The following ARSF variants were observed in gnomAD, a reference collection of about 807,000 sequenced individuals.
ARSF encodes arylsulfatase F.
In ARSF, 33 loss-of-function variants were observed where a neutral mutation model predicts 35.4. The observed-to-expected ratio is 0.93, with a 90% CI of 0.71 to 1.25. The LOEUF (loss-of-function observed/expected upper bound fraction) is 1.25. ARSF is among the 50% of genes most tolerant of loss of function. ARSF has a pLI of 0.00. For missense variants in ARSF, 501 were observed against 480.2 expected, an observed-to-expected ratio of 1.04 and a Z score of -0.40; for synonymous variants, 222 against 193.1, an observed-to-expected ratio of 1.15 and a Z score of -1.24.
chrX:3,050,033 T>G (rs2147474925), intron 1 of ARSF, among the ~76,000 whole-genome samples: 1 of 110,473 alleles, frequency 9.1e-6, no homozygotes, highest in East Asian at 2.9e-4. Context: ...CTAATTTTTT[T>G]GTATTTTTAG....
Position 3,101,127 on chromosome X carries a change from C to T in ARSF, c.1008C>T (p.Asn336=). 8.3e-7 allele frequency: 1 copy of T among 1,210,691 alleles called. No homozygotes were observed. Among genetic ancestry groups the T allele is most frequent in the Non-Finnish European group, 1.1e-6 (1 of 894,952 alleles). Residue 336 remains asparagine, a synonymous_variant, in exon 8 of 11, where the codon AAC becomes AAT. Transcript: ENST00000381127. ...LDAIDDFGLR[N]NTLVYFTSDH... ...CTATCGATGATTTTGGCCTAAGGAA[C>T]AACACCCTTGTCTACTTTACATCAG...
chrX:3,096,252 T>G (rs2090337554), intron 7 of ARSF, among the ~76,000 whole-genome samples: 1 of 110,587 alleles, frequency 9.0e-6, no homozygotes, highest in African/African-American at 3.3e-5. Flanking sequence ...TTAAAAATAA[T>G]GCATTTCAAG....
chrX:3,049,597 T>C (rs909584112), intron 1 of ARSF, among the ~76,000 whole-genome samples: 1 of 111,297 alleles, frequency 9.0e-6, no homozygotes, highest in Non-Finnish European at 1.9e-5. Context: ...ATGAAAGAGG[T>C]ATGTAGCTTT....
At chrX:3,092,882 A>AG (rs1189425535) in intron 7 of ARSF, among the ~76,000 whole-genome samples, 1 of 112,314 alleles carries the variant, frequency 8.9e-6, no homozygotes, top group African/African-American at 3.2e-5. Context: ...TTTTATAATT[A>AG]TCATAGGTGG....
In ARSF at chrX:3,098,802, G is replaced by A. The variant is rs1404037501; in HGVS notation, c.968-2285G>A. Among the ~76,000 whole-genome samples the A allele has an allele frequency of 2.7e-5, 3 of 110,446 alleles. No homozygotes were observed. In the East Asian group the frequency reaches 8.5e-4, roughly 31 times the overall value. On this transcript the variant is annotated intron_variant, in intron 7 of 10. Transcript: ENST00000381127. ...AATGGCAATGGGGCAGGAAATTGGT[G>A]GTCTTTATTTTCCTCCTTATAATTT...
chrX:3,077,444 G>A (rs2090160995), intron 4 of ARSF, among the ~76,000 whole-genome samples: 1 of 111,438 alleles, frequency 9.0e-6, no homozygotes, highest in African/African-American at 3.3e-5. Flanking sequence ...TTCGAGCCCA[G>A]CCTGGCCAAC....
At chrX:3,055,662 G>A (rs1278056276) in intron 1 of ARSF, among the ~76,000 whole-genome samples, 1 of 111,653 alleles carries the variant, frequency 9.0e-6, no homozygotes, top group Non-Finnish European at 1.9e-5. Context: ...AAGGTGCTGG[G>A]ACAGAAGGAT....
intron 3 of ARSF, among the ~76,000 whole-genome samples, chrX:3,073,482 A>G (rs938061798): frequency 3.6e-4 from 35 of 96,141 alleles, no homozygotes; most frequent in African/African-American, 1.4e-3. Context: ...GGTTAATGCT[A>G]GAGGCACTGG....
chrX:3,043,480 T>A (rs1349095151), intron 1 of ARSF, among the ~76,000 whole-genome samples: 1 of 111,987 alleles, frequency 8.9e-6, no homozygotes, highest in South Asian at 3.7e-4. Context: ...ACTGATGTAC[T>A]CAGTGAAATT....
At chrX:3,107,088 C>G (rs2090415828) in intron 9 of ARSF, among the ~76,000 whole-genome samples, 1 of 112,013 alleles carries the variant, frequency 8.9e-6, no homozygotes, top group South Asian at 3.7e-4. Context: ...ATATTGTACC[C>G]TTTAGGGAAT....
Position 3,089,636 on chromosome X carries a change from A to T in ARSF, c.967+4A>T. The T allele has an allele frequency of 1.7e-6, 2 of 1,210,510 alleles. No individual in the cohort carries two copies. Among genetic ancestry groups the T allele is most frequent in the Non-Finnish European group, 2.2e-6 (2 of 894,651 alleles). On this transcript the variant is annotated splice_donor_region_variant and intron_variant, in intron 7 of 10. Transcript: ENST00000381127. Reference sequence around the variant, plus strand: ...GAAGAGATGGACTCCATGGTGGGTAAGTCACAGGACTTAAGTGGACAGAAA... The same window carrying T: ...GAAGAGATGGACTCCATGGTGGGTATGTCACAGGACTTAAGTGGACAGAAA...
chrX:3,093,766 G>C (rs1331139153), intron 7 of ARSF, among the ~76,000 whole-genome samples: 3 of 111,769 alleles, frequency 2.7e-5, no homozygotes. Context: ...TAATGGCATT[G>C]CTGGGTCAGA....
intron 1 of ARSF, among the ~76,000 whole-genome samples, chrX:3,060,684 C>A: frequency 9.0e-6 from 1 of 111,070 alleles, no homozygotes; most frequent in Admixed American, 9.7e-5. Context: ...CTTCAATAGC[C>A]GATTCAATCA....
At chrX:3,046,531 G>T (rs1255584781) in intron 1 of ARSF, among the ~76,000 whole-genome samples, 1 of 112,083 alleles carries the variant, frequency 8.9e-6, no homozygotes, top group African/African-American at 3.2e-5. Context: ...GAGGAATTTA[G>T]AGATGGATCC....
At chrX:3,068,020 C>CT (rs756715933) in intron 1 of ARSF, 53 bp from the exon 2 acceptor site, 27,741 of 724,539 alleles carry the variant, frequency 0.038, 74 homozygotes, top group African/African-American at 0.076. Context: ...ATGAATGATA[C>CT]TTTTTTTTTT....
Position 3,084,552 on chromosome X carries a change from C to T in ARSF, c.716C>T (p.Ser239Phe). 2.5e-6 allele frequency: 3 copies of T among 1,211,639 alleles called. No homozygotes were observed. The highest frequency in any genetic ancestry group is 3.4e-6 in the Non-Finnish European group (3 of 895,522). The change falls in exon 6 of 11, where the codon TCC (serine) becomes TTC (phenylalanine). Residue 239 changes from serine to phenylalanine, a missense_variant. Physicochemically the swap from Ser to Phe is radical, Grantham distance 155. Coordinates refer to ENST00000381127, the MANE Select transcript of ARSF (RefSeq NM_001201539.2). ...TATGCTTGGTTCTCCAGCCACACGT[C>T]CCCTTTATACTGGGACTGCCTCCTC... Reference protein sequence around the residue: ...LGYAWFSSHTSPLYWDCLLMR... With the variant: ...LGYAWFSSHTFPLYWDCLLMR...
chrX:3,104,826 A>G (rs2090402251), intron 9 of ARSF, among the ~76,000 whole-genome samples: 1 of 112,197 alleles, frequency 8.9e-6, no homozygotes, highest in South Asian at 3.7e-4. Flanking sequence ...AGATGAAGAC[A>G]TGGTAGGTAA....
intron 7 of ARSF, 133 bp downstream of exon 7, chrX:3,089,765 A>T: frequency 1.5e-6 from 1 of 671,512 alleles, no homozygotes; most frequent in South Asian, 3.4e-5. Flanking sequence ...GACATTAATG[A>T]GGTAATAGTT....
intron 9 of ARSF, among the ~76,000 whole-genome samples, chrX:3,108,028 T>C (rs900425353): frequency 8.9e-6 from 1 of 112,068 alleles, no homozygotes; most frequent in African/African-American, 3.2e-5. Flanking sequence ...TTATTTTCCT[T>C]GCATTTGGAT....
Sources: allele counts gnomAD v4.1 joint callset (sites outside exome capture counted in the v4.1 genomes callset), GRCh38; gene constraint gnomAD v4.1.1; transcripts MANE v1.5; gene names NCBI Gene and HGNC (gene_info 2026-07-23, HGNC 2026-07-21).